The following TENM2 variants were observed in gnomAD, a reference collection of about 807,000 sequenced individuals.
The protein encoded by TENM2 is teneurin-2.
Under a neutral mutation model 245.2 loss-of-function variants are expected in TENM2, and 52 were observed. The ratio of observed to expected loss-of-function variants is 0.21; its 90% confidence interval spans 0.17 to 0.27. TENM2 has a LOEUF of 0.27. Among genes scored for constraint, TENM2 ranks in the 10% least tolerant of loss-of-function variants. The pLI is 1.00. For synonymous variants in TENM2, 1,363 were observed against 1,438.9 expected (o/e 0.95, Z 1.19); for missense variants, 3,046 against 3,666.8 (o/e 0.83, Z 4.37).
intron 2 of TENM2, among the ~76,000 whole-genome samples, chr5:167,412,059 G>A (rs933251569): frequency 1.1e-4 from 17 of 152,014 alleles, no homozygotes; most frequent in African/African-American, 7.2e-5. Context: ...TATCAAATTG[G>A]GTACAGTGGG....
chr5:167,834,737 C>T (rs1768824616), intron 2 of TENM2, among the ~76,000 whole-genome samples: 1 of 151,792 alleles, frequency 6.6e-6, no homozygotes, highest in Admixed American at 6.6e-5. Context: ...GCAAGCTCCG[C>T]CTCCCAGGTT....
intron 1 of TENM2, among the ~76,000 whole-genome samples, chr5:167,345,687 A>G (rs1464768830): frequency 6.6e-6 from 1 of 152,188 alleles, no homozygotes; most frequent in Non-Finnish European, 1.5e-5. Flanking sequence ...CCACTACTGC[A>G]AAGAAGCTAA....
intron 2 of TENM2, among the ~76,000 whole-genome samples, chr5:167,859,798 C>T (rs1439519114): frequency 8.1e-5 from 6 of 73,720 alleles, no homozygotes; most frequent in Non-Finnish European, 1.6e-4. Flanking sequence ...GTCAGCCCTC[C>T]GCCCGGCCAG....
Position 168,051,406 on chromosome 5 carries a change from C to T in TENM2, c.1309+3857C>T, listed in dbSNP as rs550463513. ...AAATGGTGGAATTGAGTGGGTGCAACAGAGACTATATGGCCCAAAAAGCCT... is the reference window on the plus strand; with the variant it reads ...AAATGGTGGAATTGAGTGGGTGCAATAGAGACTATATGGCCCAAAAAGCCT... On this transcript the variant is annotated intron_variant, in intron 6 of 28. Coordinates refer to ENST00000518659, the Ensembl canonical transcript of TENM2. 9.9e-4 allele frequency among the ~76,000 whole-genome samples: 151 copies of T among 152,240 alleles called. 1 individual carries two copies. Among genetic ancestry groups the T allele is most frequent in the Non-Finnish European group, 1.9e-3 (131 of 68,030 alleles).
At chr5:167,272,576 A>T in the TENM2 span, among the ~76,000 whole-genome samples, 1 of 152,176 alleles carries the variant, frequency 6.6e-6, no homozygotes, top group African/African-American at 2.4e-5. Context: ...GAAATAAGAA[A>T]GTTTGATTCA....
intron 2 of TENM2, among the ~76,000 whole-genome samples, chr5:167,509,334 T>C (rs1270278231): frequency 6.6e-6 from 1 of 152,228 alleles, no homozygotes; most frequent in Non-Finnish European, 1.5e-5. Flanking sequence ...GTTGAATCAG[T>C]TTCCTCACAT....
At chr5:167,504,906 CT>C (rs1195376308) in intron 2 of TENM2, among the ~76,000 whole-genome samples, 1 of 152,112 alleles carries the variant, frequency 6.6e-6, no homozygotes, top group Non-Finnish European at 1.5e-5. Flanking sequence ...GCTTCCTTCT[CT>C]TTTTTTCTAA....
the TENM2 span, among the ~76,000 whole-genome samples, chr5:167,181,298 C>G: frequency 2.0e-5 from 3 of 152,058 alleles, no homozygotes; most frequent in Non-Finnish European, 2.9e-5. Context: ...TCCTTTATTC[C>G]TCTGTGGTCT....
intron 3 of TENM2, among the ~76,000 whole-genome samples, chr5:167,914,479 T>C (rs957164926): frequency 6.6e-6 from 1 of 152,186 alleles, no homozygotes; most frequent in Admixed American, 6.5e-5. Context: ...TATGATTACA[T>C]TGGGTCCACC....
chr5:167,640,853 A>ATATC, intron 2 of TENM2, among the ~76,000 whole-genome samples: 4 of 78,620 alleles, frequency 5.1e-5, no homozygotes, highest in African/African-American at 9.3e-5. Flanking sequence ...ATATATATAT[A>ATATC]TATATCCATA....
At position 168,244,660 on chromosome 5, in the gene TENM2, A is replaced by G. The variant is rs769011861; in HGVS notation, c.5761A>G (p.Ile1921Val). The change falls in exon 26 of 29, where the codon ATC becomes GTC. Residue 1921 changes from isoleucine (I) to valine (V), a missense_variant. Coordinates refer to ENST00000518659, the Ensembl canonical transcript of TENM2. This position sits in a 1 kb window ranked among gnomAD's most constrained non-coding sequence, Gnocchi z 4.9. ...GACAGACATCGACAAGCAAGGCCGC[A>G]TCGTGTCCCGCATGTTCGCTGACGG... 16 of 1,537,264 alleles carry G rather than the reference A, an allele frequency of 1.0e-5. No individual in the cohort carries two copies. The highest frequency in any genetic ancestry group is 1.4e-5 in the Non-Finnish European group (16 of 1,133,242).
At chr5:168,177,008 G>A (rs550763804) in intron 13 of TENM2, among the ~76,000 whole-genome samples, 4 of 152,268 alleles carry the variant, frequency 2.6e-5, no homozygotes, top group Non-Finnish European at 5.9e-5. Flanking sequence ...CATTGACTTC[G>A]TATGGGTTGG....
intron 2 of TENM2, among the ~76,000 whole-genome samples, chr5:167,579,154 A>T (rs529507695): frequency 6.6e-6 from 1 of 152,180 alleles, no homozygotes; most frequent in Admixed American, 6.5e-5. Flanking sequence ...CACACTTGAC[A>T]TTATCAAACA....
chr5:167,693,213 A>G (rs909732900), intron 2 of TENM2, among the ~76,000 whole-genome samples: 1 of 152,104 alleles, frequency 6.6e-6, no homozygotes, highest in Admixed American at 6.5e-5. Flanking sequence ...ATACCATTCC[A>G]CTGCCGCAAT....
intron 2 of TENM2, among the ~76,000 whole-genome samples, chr5:167,814,430 G>A (rs1299589282): frequency 1.2e-4 from 17 of 143,864 alleles, no homozygotes; most frequent in Admixed American, 1.1e-3. Context: ...AAGGGGGAAA[G>A]GCACAAAGTA....
the TENM2 span, among the ~76,000 whole-genome samples, chr5:167,200,329 G>A: frequency 6.6e-6 from 1 of 151,944 alleles, no homozygotes; most frequent in Non-Finnish European, 1.5e-5. Context: ...TACCAGTTCA[G>A]TTTGACCAAA....
At chr5:167,711,200 G>C (rs569506769) in intron 2 of TENM2, among the ~76,000 whole-genome samples, 76 of 152,310 alleles carry the variant, frequency 5.0e-4, no homozygotes, top group African/African-American at 1.8e-3. Context: ...AATAATAATA[G>C]CTATAAGCAG....
chr5:167,668,617 C>T (rs559822969), intron 2 of TENM2, among the ~76,000 whole-genome samples: 8 of 152,158 alleles, frequency 5.3e-5, no homozygotes, highest in Middle Eastern at 3.4e-3. Context: ...TTCCTAAAAC[C>T]GTTCTGAGAG....
chr5:167,610,142 A>G (rs1777373786), intron 2 of TENM2, among the ~76,000 whole-genome samples: 1 of 152,146 alleles, frequency 6.6e-6, no homozygotes, highest in African/African-American at 2.4e-5. Flanking sequence ...ATTACAAAGG[A>G]TACAGACAAA....
Sources: gnomAD v4.1 joint callset for allele counts (sites outside exome capture counted in the v4.1 genomes callset) on GRCh38, gnomAD v4.1.1 for gene constraint, Gnocchi (gnomAD v3.1) non-coding constraint, MANE v1.5 for transcripts, NCBI Gene and HGNC (gene_info 2026-07-23, HGNC 2026-07-21) for gene names.